The following ABCA13 variants were observed in gnomAD, a reference collection of about 807,000 sequenced individuals.
The protein encoded by ABCA13 is ATP-binding cassette sub-family A member 13.
A neutral mutation model predicts 478.7 loss-of-function variants in ABCA13; 476 were observed. That is an observed-to-expected ratio of 0.99 (90% confidence interval 0.92 to 1.07). The LOEUF is 1.07. ABCA13 is among the 50% of genes least tolerant of loss of function. ABCA13 has a pLI of 0.00. For synonymous variants in ABCA13, 2,252 were observed against 2,158.9 expected (o/e 1.04, Z -1.20); for missense variants, 6,060 against 5,910.6 (o/e 1.03, Z -0.83).
chr7:48,262,599 G>A (rs539661569), intron 15 of ABCA13, among the ~76,000 whole-genome samples: 3 of 151,712 alleles, frequency 2.0e-5, no homozygotes, highest in Non-Finnish European at 4.4e-5. Flanking sequence ...TTTTATCTAT[G>A]TGGTTGTATA....
intron 38 of ABCA13, among the ~76,000 whole-genome samples, chr7:48,393,964 C>T (rs915580342): frequency 1.3e-5 from 2 of 152,178 alleles, no homozygotes; most frequent in African/African-American, 4.8e-5. Context: ...CCTCCAGCCC[C>T]TTTGGCTCAC....
chr7:48,635,396 T>C (rs1490081480), intron 59 of ABCA13, among the ~76,000 whole-genome samples: 1 of 152,084 alleles, frequency 6.6e-6, no homozygotes, highest in Non-Finnish European at 1.5e-5. Context: ...ACCCTCCCAC[T>C]TTAGGAGCTG....
rs756530750 is a variant in ABCA13, at chr7:48,239,269, T to C, written c.926T>C (p.Met309Thr). Residue 309 changes from methionine (M) to threonine (T), a missense_variant, in exon 9 of 62, where the codon ATG (methionine) becomes ACG (threonine). By Grantham distance (81) the Met-to-Thr change is moderately conservative. Transcript: ENST00000435803. ...EIPTDTSLEKMVCSVLSSTSE... is the reference protein window; with the variant it reads ...EIPTDTSLEKTVCSVLSSTSE... The stretch of plus-strand genomic sequence containing the variant: ...CCCACAGACACTTCCTTGGAGAAGA[T>C]GGTGTGTTCAGTCTTGTCTAGCACA... 7 of 1,613,850 alleles carry C rather than the reference T, an allele frequency of 4.3e-6. No homozygotes were observed. The highest frequency in any genetic ancestry group is 1.7e-5 in the Admixed American group (1 of 60,010).
chr7:48,343,900 G>T (rs1195562544), intron 29 of ABCA13, among the ~76,000 whole-genome samples: 3 of 151,982 alleles, frequency 2.0e-5, no homozygotes, highest in Non-Finnish European at 4.4e-5. Context: ...ATTAAGGGGA[G>T]TTTTCTTGTC....
Position 48,372,266 on chromosome 7 carries a change from C to G in ABCA13, c.10902C>G (p.Ile3634Met), listed in dbSNP as rs778029999. The G allele has an allele frequency of 6.2e-7, 1 of 1,613,834 alleles. No homozygotes were observed. The highest frequency in any genetic ancestry group is 1.3e-5 in the African/African-American group (1 of 74,906). Residue 3634 changes from isoleucine (I) to methionine (M), a missense_variant, in exon 33 of 62, where the codon ATC becomes ATG. Coordinates refer to ENST00000435803, the MANE Select transcript of ABCA13 (RefSeq NM_152701.5). The stretch of plus-strand genomic sequence containing the variant: ...CCATAAGCAGTGCTACTCTGGCCAT[C>G]GTTCTGAAAACAAGTGGCATCTTTG... ...VLTISSATLAIVLKTSGIFAH... is the reference protein window; with the variant it reads ...VLTISSATLAMVLKTSGIFAH...
intron 31 of ABCA13, among the ~76,000 whole-genome samples, chr7:48,354,626 T>C (rs1261525682): frequency 3.3e-5 from 5 of 152,112 alleles, no homozygotes; most frequent in Admixed American, 3.3e-4. Flanking sequence ...ACCTCTCTTA[T>C]TCTACTACTG....
chr7:48,542,065 C>A (rs1833979427), intron 55 of ABCA13, among the ~76,000 whole-genome samples: 2 of 151,446 alleles, frequency 1.3e-5, no homozygotes, highest in South Asian at 4.2e-4. Context: ...AAATAAAATA[C>A]ATTCTTTGAT....
chr7:48,535,894 G>A (rs1411596651), intron 55 of ABCA13, among the ~76,000 whole-genome samples: 4 of 152,110 alleles, frequency 2.6e-5, no homozygotes, highest in South Asian at 4.1e-4. Flanking sequence ...GTCAATTTCT[G>A]GGCAGTTGGT....
intron 45 of ABCA13, among the ~76,000 whole-genome samples, chr7:48,474,070 T>A (rs947044369): frequency 2.0e-4 from 31 of 152,162 alleles, no homozygotes; most frequent in African/African-American, 7.2e-4. Context: ...ATTATTGTTT[T>A]TTTTCCCCTG....
intron 19 of ABCA13, among the ~76,000 whole-genome samples, chr7:48,282,856 A>G (rs2128786770): frequency 6.6e-6 from 1 of 152,288 alleles, no homozygotes; most frequent in East Asian, 1.9e-4. Context: ...GAGAACCCAG[A>G]GACTGTGCCT....
chr7:48,429,967 A>G (rs1366168514), intron 42 of ABCA13, among the ~76,000 whole-genome samples: 1 of 152,056 alleles, frequency 6.6e-6, no homozygotes, highest in East Asian at 1.9e-4. Context: ...GCATTTTTGT[A>G]TCTTTATAGC....
chr7:48,243,740 C>T (rs913443954), intron 10 of ABCA13, among the ~76,000 whole-genome samples: 1 of 152,256 alleles, frequency 6.6e-6, no homozygotes, highest in African/African-American at 2.4e-5. Context: ...GCACAGAAGT[C>T]GAAATGGACG....
chr7:48,526,410 T>C (rs1208868857), intron 54 of ABCA13, among the ~76,000 whole-genome samples: 1 of 152,192 alleles, frequency 6.6e-6, no homozygotes, highest in Non-Finnish European at 1.5e-5. Flanking sequence ...TAGATTTTAT[T>C]ATCTTAAGCT....
At position 48,511,201 on chromosome 7, in the gene ABCA13, T is replaced by G; in HGVS notation, c.13640+2T>G. On this transcript the variant is annotated splice_donor_variant, in intron 51 of 61. Transcript: ENST00000435803. LOFTEE classifies it high-confidence loss of function. ...GGCCCTCCTGCTGTCACTTTTCGGG[T>G]ATGTGATGAGAAACGCTGCTGCAGA... 2 of 1,607,014 alleles carry G rather than the reference T, an allele frequency of 1.2e-6. No individual in the cohort carries two copies. Among genetic ancestry groups the G allele is most frequent in the Non-Finnish European group, 1.7e-6 (2 of 1,176,450 alleles).
intron 40 of ABCA13, among the ~76,000 whole-genome samples, chr7:48,411,000 T>TTTCC (rs1818982429): frequency 9.2e-6 from 1 of 108,140 alleles, no homozygotes; most frequent in Non-Finnish European, 2.0e-5. Flanking sequence ...TCTTTCTTTC[T>TTTCC]TTCTTTCTTT....
At position 48,278,942 on chromosome 7, in the gene ABCA13, C is replaced by T; in HGVS notation, c.7748C>T (p.Thr2583Ile). 6.2e-7 allele frequency: 1 copy of T among 1,613,428 alleles called. No homozygotes were observed. The highest frequency in any genetic ancestry group is 8.5e-7 in the Non-Finnish European group (1 of 1,179,838). Residue 2583 changes from threonine to isoleucine, a missense_variant, in exon 18 of 62, where the codon ACA (threonine) becomes ATA (isoleucine). Physicochemically the swap from Thr to Ile is moderately conservative, Grantham distance 89. This residue lies in a region of ABCA13 where 4,423 missense variants were observed against 4,309.1 expected (regional missense o/e 1.03). Transcript: ENST00000435803. ...IATLKKIDHFTFEKINDLLVP... is the reference protein window; with the variant it reads ...IATLKKIDHFIFEKINDLLVP... ...ACTTTAAAAAAAATAGATCATTTCA[C>T]ATTTGAAAAGATAAATGATTTGTTG...
At chr7:48,642,976 C>T (rs1347945206) in intron 59 of ABCA13, among the ~76,000 whole-genome samples, 2 of 152,210 alleles carry the variant, frequency 1.3e-5, no homozygotes, top group African/African-American at 4.8e-5. Flanking sequence ...CAGCTTCCCA[C>T]TTCCACTAGC....
At chr7:48,184,689 G>A (rs770447080) in intron 1 of ABCA13, among the ~76,000 whole-genome samples, 125 of 152,138 alleles carry the variant, frequency 8.2e-4, no homozygotes, top group Non-Finnish European at 2.8e-4. Flanking sequence ...GCATGGTGGC[G>A]CATGCCTGTA....
Position 48,234,150 on chromosome 7 carries a change from A to G in ABCA13, c.896A>G (p.Glu299Gly). Residue 299 changes from glutamate (E) to glycine (G), a missense_variant and splice_region_variant, in exon 8 of 62, where the codon GAG (glutamate) becomes GGG (glycine). By Grantham distance (98) the Glu-to-Gly change is moderately conservative (BLOSUM62 -2). Coordinates refer to ENST00000435803, the MANE Select transcript of ABCA13 (RefSeq NM_152701.5). ...CTGAACTCTTCAGCTGAACTGAAGG[A>G]GGTACACATGCTTGACTGCTTCTCA... Reference protein sequence around the residue: ...QILNSSAELKEIPTDTSLEKM... With the variant: ...QILNSSAELKGIPTDTSLEKM... The G allele has an allele frequency of 6.2e-7, 1 of 1,613,870 alleles. No homozygotes were observed. Among genetic ancestry groups the G allele is most frequent in the Non-Finnish European group, 8.5e-7 (1 of 1,179,818 alleles).
Sources: allele counts gnomAD v4.1 joint callset (sites outside exome capture counted in the v4.1 genomes callset), GRCh38; gene constraint gnomAD v4.1.1; regional missense constraint gnomAD v4.1.1; transcripts MANE v1.5; gene names NCBI Gene and HGNC (gene_info 2026-07-23, HGNC 2026-07-21).